ARHGEF12: variants seen among roughly 807,000 people sequenced by gnomAD.
The protein encoded by ARHGEF12 is KMT2A/ARHGEF12 fusion protein.
ARHGEF12 carries 66 observed loss-of-function variants against 211.2 expected under a neutral mutation model. The observed-to-expected ratio is 0.31, with a 90% CI of 0.26 to 0.38. ARHGEF12 has a LOEUF of 0.38. Among genes scored for constraint, ARHGEF12 ranks in the 10% least tolerant of loss-of-function variants. The pLI, the probability that ARHGEF12 is intolerant of heterozygous loss-of-function variation, is 1.00. For synonymous variants in ARHGEF12, 592 were observed against 638.4 expected (o/e 0.93, Z 1.09); for missense variants, 1,429 against 1,869.5 (o/e 0.76, Z 4.34).
intron 1 of ARHGEF12, among the ~76,000 whole-genome samples, chr11:120,338,801 A>T (rs1372517211): frequency 6.6e-6 from 1 of 152,202 alleles, no homozygotes; most frequent in African/African-American, 2.4e-5. Flanking sequence ...TAATTTATGG[A>T]AACAGAACGG....
chr11:120,402,551 G>A (rs567386442), intron 1 of ARHGEF12, among the ~76,000 whole-genome samples: 1 of 152,106 alleles, frequency 6.6e-6, no homozygotes, highest in Non-Finnish European at 1.5e-5. Flanking sequence ...ACTATCCAAT[G>A]TAAGAAAAAT....
chr11:120,407,615 A>G, intron 2 of ARHGEF12, 123 bp from the exon 3 acceptor site: 4 of 651,852 alleles, frequency 6.1e-6, no homozygotes, highest in Non-Finnish European at 1.1e-5. Flanking sequence ...AGAGAGGCTT[A>G]TGGTGCTGTG....
chr11:120,432,839 A>G (rs1945590178), intron 11 of ARHGEF12, among the ~76,000 whole-genome samples: 1 of 152,182 alleles, frequency 6.6e-6, no homozygotes, highest in Non-Finnish European at 1.5e-5. Context: ...GCCATCATTC[A>G]GGCTATCTCT....
intron 1 of ARHGEF12, among the ~76,000 whole-genome samples, chr11:120,401,386 G>C (rs1944543913): frequency 6.6e-6 from 1 of 152,166 alleles, no homozygotes; most frequent in Non-Finnish European, 1.5e-5. Flanking sequence ...CTATACTTAA[G>C]AGCTCTTATG....
At chr11:120,403,377 C>T (rs1278049231) in intron 1 of ARHGEF12, among the ~76,000 whole-genome samples, 2 of 151,858 alleles carry the variant, frequency 1.3e-5, no homozygotes, top group South Asian at 2.1e-4. Flanking sequence ...CATGGTGGCA[C>T]GCAGCTGTAA....
intron 1 of ARHGEF12, among the ~76,000 whole-genome samples, chr11:120,376,363 C>G (rs1943723203): frequency 6.6e-6 from 1 of 152,118 alleles, no homozygotes; most frequent in East Asian, 1.9e-4. Context: ...AAGGGAACAA[C>G]TTAGGTTCGT....
chr11:120,465,018 AAAAAG>A, intron 27 of ARHGEF12: 1 of 559,588 alleles, frequency 1.8e-6, no homozygotes, highest in Non-Finnish European at 3.0e-6. Context: ...AAAAGAAAAA[AAAAAG>A]AAGAAGAAAA....
chr11:120,486,773 C>T lies in ARHGEF12; in HGVS notation c.*1696C>T, dbSNP rs529137666. Reference sequence around the variant, plus strand: ...CCTACTTTTATAAACACCACTGCAACTTAACAAGTTTATTTATCTATGTCC... The same window carrying T: ...CCTACTTTTATAAACACCACTGCAATTTAACAAGTTTATTTATCTATGTCC... On this transcript the variant is annotated 3_prime_UTR_variant, in exon 41 of 41. Transcript: ENST00000397843. 2 of 218,372 alleles carry T rather than the reference C, an allele frequency of 9.2e-6. No individual in the cohort carries two copies. Among genetic ancestry groups the T allele is most frequent in the East Asian group, 6.7e-5 (1 of 14,820 alleles). The allele number at this position is 218,372 out of a possible 1,614,324, so 13.5% of individuals were successfully genotyped here. A position where few individuals can be genotyped will look rare whatever the true frequency, so the allele number is the denominator to read the frequency against.
At chr11:120,384,952 C>T (rs755144408) in intron 1 of ARHGEF12, among the ~76,000 whole-genome samples, 1 of 149,986 alleles carries the variant, frequency 6.7e-6, no homozygotes, top group Admixed American at 6.7e-5. Flanking sequence ...GTAACAACAA[C>T]CGAATTTTAA....
chr11:120,481,886 A>G (rs1947251799), intron 39 of ARHGEF12, among the ~76,000 whole-genome samples: 1 of 151,714 alleles, frequency 6.6e-6, no homozygotes. Flanking sequence ...CAGCCTCCCA[A>G]GCAGCTGGGA....
chr11:120,483,239 A>G (rs1009303503), intron 39 of ARHGEF12, among the ~76,000 whole-genome samples: 1 of 150,202 alleles, frequency 6.7e-6, no homozygotes, highest in Non-Finnish European at 1.5e-5. Context: ...CCAGGTTTCT[A>G]CATGTGCTCC....
intron 1 of ARHGEF12, among the ~76,000 whole-genome samples, chr11:120,351,439 ATATATATATATATATATTTTTTT>A (rs1942955497): frequency 4.8e-4 from 2 of 4,126 alleles, no homozygotes; most frequent in Non-Finnish European, 7.0e-4. Flanking sequence ...ATATATATAT[ATATATATATATATATATTTTTTT>A]TTTTTTTTTT....
intron 39 of ARHGEF12, among the ~76,000 whole-genome samples, chr11:120,481,840 A>G (rs1947250111): frequency 6.6e-6 from 1 of 151,486 alleles, no homozygotes; most frequent in South Asian, 2.1e-4. Context: ...GCTCACTGCA[A>G]GCTCTGCCTT....
rs114104507 is a variant in ARHGEF12 at position 120,488,043 on chromosome 11, A to G, written c.*2966A>G. ...TTCCCACAGCAACTGCCAATGAAGGATGAATCCCCTTTTTAAAAAGTTGTT... is the reference window on the plus strand; with the variant it reads ...TTCCCACAGCAACTGCCAATGAAGGGTGAATCCCCTTTTTAAAAAGTTGTT... On this transcript the variant is annotated 3_prime_UTR_variant, in exon 41 of 41. Transcript: ENST00000397843. 2.3e-3 allele frequency: 515 copies of G among 221,460 alleles called. No homozygotes were observed. Among genetic ancestry groups the G allele is most frequent in the African/African-American group, 0.011 (476 of 44,842 alleles). 13.7% of individuals were successfully genotyped at this position (221,460 alleles called of 1,614,324 possible). A position where few individuals can be genotyped will look rare whatever the true frequency, so the allele number is the denominator to read the frequency against.
intron 4 of ARHGEF12, among the ~76,000 whole-genome samples, chr11:120,412,546 T>C (rs1410776404): frequency 1.3e-5 from 2 of 152,254 alleles, no homozygotes; most frequent in Non-Finnish European, 2.9e-5. Flanking sequence ...TTCTTTAGTT[T>C]CTATGATATT....
At chr11:120,367,195 C>T (rs1943447810) in intron 1 of ARHGEF12, among the ~76,000 whole-genome samples, 1 of 151,956 alleles carries the variant, frequency 6.6e-6, no homozygotes, top group African/African-American at 2.4e-5. Flanking sequence ...CTGTTGTTTA[C>T]ATCTCAGAAT....
rs1256069863 is a variant in ARHGEF12 at position 120,458,201 on chromosome 11, C to T, written c.2347C>T (p.Pro783Ser). Residue 783 changes from proline to serine, a missense_variant, in exon 25 of 41, where the codon CCT becomes TCT. Coordinates refer to ENST00000397843, the MANE Select transcript of ARHGEF12 (RefSeq NM_015313.3). ...TCGAGAAGTGTTACTGGGACTAAAA[C>T]CTTGTGAAATCAAAAGACAGGAAGT... ...VSREVLLGLK[P>S]CEIKRQEVIN... 1.9e-6 allele frequency: 3 copies of T among 1,613,670 alleles called. No homozygotes were observed. Among genetic ancestry groups the T allele is most frequent in the South Asian group, 1.1e-5 (1 of 91,012 alleles).
chr11:120,432,412 A>G (rs979741224), intron 11 of ARHGEF12, among the ~76,000 whole-genome samples: 1 of 152,224 alleles, frequency 6.6e-6, no homozygotes, highest in African/African-American at 2.4e-5. Context: ...GAACATGACT[A>G]TCTGTTAAGA....
At chr11:120,407,664 A>G in intron 2 of ARHGEF12, 74 bp from the exon 3 acceptor site, 1 of 1,122,166 alleles carries the variant, frequency 8.9e-7, no homozygotes, top group Non-Finnish European at 1.3e-6. Context: ...TGTAAGATCC[A>G]CTTTTAGAAT....
Sources: allele counts gnomAD v4.1 joint callset (sites outside exome capture counted in the v4.1 genomes callset), GRCh38; gene constraint gnomAD v4.1.1; transcripts MANE v1.5; gene names NCBI Gene and HGNC (gene_info 2026-07-23, HGNC 2026-07-21).